The following EYA2 variants were observed in gnomAD, a reference collection of about 807,000 sequenced individuals.
EYA2 encodes the protein protein phosphatase EYA2.
A neutral mutation model predicts 69.2 loss-of-function variants in EYA2; 31 were observed. The ratio of observed to expected loss-of-function variants is 0.45; its 90% CI spans 0.34 to 0.60. The LOEUF (loss-of-function observed/expected upper bound fraction) is 0.60, where lower values mean the gene tolerates loss of function less well. EYA2 is among the 20% of genes least tolerant of loss of function. The pLI is 0.02. For synonymous variants in EYA2, 257 were observed against 279.4 expected (o/e 0.92, Z 0.80); for missense variants, 622 against 701.2 (o/e 0.89, Z 1.28).
chr20:47,005,030 A>G lies in EYA2; in HGVS notation c.244A>G (p.Thr82Ala), dbSNP rs890056747. Residue 82 changes from threonine to alanine, a missense_variant, in exon 4 of 16, where the codon ACC (threonine) becomes GCC (alanine). Coordinates refer to ENST00000327619, the MANE Select transcript of EYA2 (RefSeq NM_005244.5). ...GTACAGTGCGGGGATCCAGCAGGCTACCCCCTATACAGCTTACCCACCTCC... is the reference window on the plus strand; with the variant it reads ...GTACAGTGCGGGGATCCAGCAGGCTGCCCCCTATACAGCTTACCCACCTCC... Reference protein sequence around the residue: ...TQYSAGIQQATPYTAYPPPAQ... With the variant: ...TQYSAGIQQAAPYTAYPPPAQ... 2.5e-6 allele frequency: 4 copies of G among 1,613,692 alleles called. No homozygotes were observed. Among genetic ancestry groups the G allele is most frequent in the Non-Finnish European group, 2.5e-6 (3 of 1,179,910 alleles).
At chr20:47,010,789 ATTTTTT>A (rs10608509) in intron 4 of EYA2, among the ~76,000 whole-genome samples, 1 of 138,644 alleles carries the variant, frequency 7.2e-6, no homozygotes. Flanking sequence ...AATTGAGTTG[ATTTTTT>A]TTTTTTTTTT....
intron 8 of EYA2, among the ~76,000 whole-genome samples, chr20:47,091,369 A>G (rs2032079340): frequency 6.6e-6 from 1 of 152,158 alleles, no homozygotes; most frequent in Non-Finnish European, 1.5e-5. Flanking sequence ...TCCATGCTAT[A>G]CAATGGGTAT....
chr20:47,121,912 C>A (rs1222652739), intron 9 of EYA2, among the ~76,000 whole-genome samples: 1 of 152,184 alleles, frequency 6.6e-6, no homozygotes, highest in Non-Finnish European at 1.5e-5. Flanking sequence ...TCAAACTTGC[C>A]CTCCAACCCC....
At chr20:47,023,265 T>C (rs2146383405) in intron 5 of EYA2, among the ~76,000 whole-genome samples, 1 of 152,354 alleles carries the variant, frequency 6.6e-6, no homozygotes, top group East Asian at 1.9e-4. Context: ...ATTACAAGAA[T>C]TAGTTCAGAC....
chr20:46,947,125 CCTCTA>C (rs1978506804), intron 1 of EYA2, among the ~76,000 whole-genome samples: 1 of 152,184 alleles, frequency 6.6e-6, no homozygotes, highest in Admixed American at 6.5e-5. Flanking sequence ...AGCTTGCTGA[CCTCTA>C]CTCTAAAGAG....
In EYA2 at chr20:47,043,073, G is replaced by A. The variant is rs78173037; in HGVS notation, c.415+26776G>A. ...GGAAAGGCGAGAGGGAGGAAGGGGAGGATTAATCCTTCAGACCCCTTCCAG... is the reference window on the plus strand; with the variant it reads ...GGAAAGGCGAGAGGGAGGAAGGGGAAGATTAATCCTTCAGACCCCTTCCAG... On this transcript the variant is annotated intron_variant, in intron 5 of 15. Transcript: ENST00000327619. Among the ~76,000 whole-genome samples the A allele has an allele frequency of 3.1e-4, 47 of 152,246 alleles. No homozygotes were observed. In the East Asian group the frequency reaches 5.0e-3, roughly 16 times the overall value.
intron 4 of EYA2, among the ~76,000 whole-genome samples, chr20:47,014,939 T>C (rs1242193804): frequency 6.6e-6 from 1 of 152,090 alleles, no homozygotes; most frequent in African/African-American, 2.4e-5. Flanking sequence ...GGAAGAACTT[T>C]ATAAGCTCAT....
chr20:46,920,584 C>T (rs1568667314), intron 1 of EYA2, among the ~76,000 whole-genome samples: 1 of 152,146 alleles, frequency 6.6e-6, no homozygotes, highest in Non-Finnish European at 1.5e-5. Context: ...GTCTGAGAAT[C>T]ATCAGACAAC....
intron 5 of EYA2, among the ~76,000 whole-genome samples, chr20:47,063,386 CGT>C (rs1228558146): frequency 2.1e-5 from 2 of 93,566 alleles, no homozygotes; most frequent in East Asian, 6.9e-4. Context: ...TGTGTGTGTG[CGT>C]GTGCGTGTGT....
intron 1 of EYA2, among the ~76,000 whole-genome samples, chr20:46,985,337 C>T (rs1411291769): frequency 6.6e-6 from 1 of 152,170 alleles, no homozygotes; most frequent in African/African-American, 2.4e-5. Context: ...GCTTGGCCTT[C>T]AAGAACCTTA....
chr20:46,945,370 C>T (rs1435508592), intron 1 of EYA2, among the ~76,000 whole-genome samples: 3 of 152,156 alleles, frequency 2.0e-5, no homozygotes, highest in Admixed American at 1.3e-4. Flanking sequence ...TTTTAGAAAG[C>T]CCAAATTCCC....
At chr20:47,091,173 C>A (rs1176691077) in intron 8 of EYA2, among the ~76,000 whole-genome samples, 1 of 152,108 alleles carries the variant, frequency 6.6e-6, no homozygotes, top group East Asian at 1.9e-4. Context: ...CCCATGCCAC[C>A]AGATGGTAAG....
chr20:47,143,953 C>T (rs1600740728), intron 10 of EYA2, among the ~76,000 whole-genome samples: 1 of 152,190 alleles, frequency 6.6e-6, no homozygotes, highest in South Asian at 2.1e-4. Flanking sequence ...AATGAAAGAG[C>T]AAGCAACTTT....
intron 9 of EYA2, among the ~76,000 whole-genome samples, chr20:47,124,068 C>A (rs1309206505): frequency 6.6e-6 from 1 of 152,046 alleles, no homozygotes; most frequent in African/African-American, 2.4e-5. Context: ...CTGATCCGGG[C>A]ACTTGCCAGT....
intron 1 of EYA2, among the ~76,000 whole-genome samples, chr20:46,970,630 G>T (rs1355433747): frequency 6.6e-6 from 1 of 152,186 alleles, no homozygotes. Flanking sequence ...GTACATTGGT[G>T]GGGGGATGGT....
chr20:47,183,481 C>A (rs1257722309), intron 15 of EYA2, 90 bp downstream of exon 15: 1 of 1,184,360 alleles, frequency 8.4e-7, no homozygotes, highest in Non-Finnish European at 1.2e-6. Flanking sequence ...TTCCTCCACT[C>A]CCCGTGGCTG....
At chr20:47,023,426 T>C (rs1258974544) in intron 5 of EYA2, among the ~76,000 whole-genome samples, 1 of 152,208 alleles carries the variant, frequency 6.6e-6, no homozygotes, top group Non-Finnish European at 1.5e-5. Context: ...ATTGAGACTC[T>C]TAGATCTGTG....
At chr20:46,966,458 C>T (rs1025522200) in intron 1 of EYA2, among the ~76,000 whole-genome samples, 2 of 152,128 alleles carry the variant, frequency 1.3e-5, no homozygotes, top group Non-Finnish European at 2.9e-5. Flanking sequence ...ACATGCTTTA[C>T]CAGTGTGAGC....
In EYA2 at chr20:46,954,357, AACAG is replaced by A. The variant is rs572102915; in HGVS notation, c.-10-35639_-10-35636del. Among the ~76,000 whole-genome samples, 651 of 152,344 alleles carry A rather than the reference AACAG, an allele frequency of 4.3e-3. 6 individuals are homozygous for A. Among genetic ancestry groups the A allele is most frequent in the African/African-American group, 0.015 (631 of 41,570 alleles). ...CAATAAATATTTGTGGAAGAAGGGA[AACAG>A]ACAGGGAGGAAGGAAGGGGGGCAAA... On this transcript the variant is annotated intron_variant, in intron 1 of 15. Coordinates refer to ENST00000327619, the MANE Select transcript of EYA2 (RefSeq NM_005244.5).
Sources: allele counts gnomAD v4.1 joint callset (sites outside exome capture counted in the v4.1 genomes callset), GRCh38; gene constraint gnomAD v4.1.1; transcripts MANE v1.5; gene names NCBI Gene and HGNC (gene_info 2026-07-23, HGNC 2026-07-21).